The following PRKAR1B variants were observed in gnomAD, a reference collection of about 807,000 sequenced individuals.
PRKAR1B encodes protein kinase cAMP-dependent type I regulatory subunit beta.
A neutral mutation model predicts 46.5 loss-of-function variants in PRKAR1B; 22 were observed. The observed-to-expected ratio is 0.47, with a 90% confidence interval of 0.34 to 0.68. The LOEUF (loss-of-function observed/expected upper bound fraction) is 0.68, where lower values mean the gene tolerates loss of function less well. PRKAR1B is among the 30% of genes least tolerant of loss of function. The pLI is 0.01. For synonymous variants in PRKAR1B, 259 were observed against 217.7 expected, an observed-to-expected ratio of 1.19 and a Z score of -1.67; for missense variants, 445 against 535.6, an observed-to-expected ratio of 0.83 and a Z score of 1.67.
At chr7:663,539 T>C (rs1785733038) in intron 4 of PRKAR1B, among the ~76,000 whole-genome samples, 1 of 151,966 alleles carries the variant, frequency 6.6e-6, no homozygotes, top group South Asian at 2.1e-4. Context: ...GCCCGGCCCA[T>C]TCACTTTTAA....
rs745787736 is a variant in PRKAR1B, at chr7:727,156, G to T, written c.-23+54C>A. 1.9e-5 allele frequency: 25 copies of T among 1,284,018 alleles called. No individual in the cohort carries two copies. Among genetic ancestry groups the T allele is most frequent in the South Asian group, 6.1e-5 (3 of 49,138 alleles). 79.5% of individuals were successfully genotyped at this position (1,284,018 alleles called of 1,614,324 possible). On this transcript the variant is annotated intron_variant, in intron 1 of 10. Transcript: ENST00000537384. ...CTGTGAGGAGCTGCGCCTGGCGCTTGTGCAGCTGCTGGGCCTGGCCGTGGA... is the reference window on the plus strand; with the variant it reads ...CTGTGAGGAGCTGCGCCTGGCGCTTTTGCAGCTGCTGGGCCTGGCCGTGGA...
At chr7:663,964 C>A (rs1044047878) in intron 4 of PRKAR1B, among the ~76,000 whole-genome samples, 30 of 152,194 alleles carry the variant, frequency 2.0e-4, no homozygotes, top group African/African-American at 6.5e-4. Flanking sequence ...CCTGGGCAAG[C>A]CCCCCGCTGT....
At position 708,144 on chromosome 7, in the gene PRKAR1B, G is replaced by A. The variant is rs190033557; in HGVS notation, c.177+3185C>T. Among the ~76,000 whole-genome samples the A allele has an allele frequency of 3.0e-4, 44 of 147,322 alleles. No homozygotes were observed. The East Asian group carries it at 7.4e-3, about 25-fold the overall frequency. ...AAAATCGCCAGAACCACCCAGAGCC[G>A]GGGGAGACATAGAACCTTCTCCCAC... On this transcript the variant is annotated intron_variant, in intron 2 of 10. Transcript: ENST00000537384.
At chr7:680,794 T>C in intron 2 of PRKAR1B, 68 bp from the exon 3 acceptor site, 1 of 1,562,158 alleles carries the variant, frequency 6.4e-7, no homozygotes, top group Non-Finnish European at 8.8e-7. Context: ...ACAGGGCCCA[T>C]GCCTGTGATC....
chr7:652,227 G>A (rs1784941643), intron 4 of PRKAR1B, among the ~76,000 whole-genome samples: 1 of 142,900 alleles, frequency 7.0e-6, no homozygotes, highest in South Asian at 2.3e-4. Context: ...AACCCCTCTC[G>A]GAACACAGTT....
intron 4 of PRKAR1B, among the ~76,000 whole-genome samples, chr7:663,416 G>A (rs943465284): frequency 4.6e-5 from 7 of 152,018 alleles, no homozygotes; most frequent in Non-Finnish European, 1.0e-4. Flanking sequence ...TTTAGGAGGA[G>A]GGTAGAGATG....
chr7:706,859 G>T (rs1307134535), intron 2 of PRKAR1B, among the ~76,000 whole-genome samples: 1 of 152,146 alleles, frequency 6.6e-6, no homozygotes, highest in Admixed American at 6.5e-5. Flanking sequence ...TTTATCCCAG[G>T]TGCTTTATGA....
chr7:692,751 C>T (rs560230329), intron 2 of PRKAR1B, among the ~76,000 whole-genome samples: 1 of 152,238 alleles, frequency 6.6e-6, no homozygotes, highest in South Asian at 2.1e-4. Flanking sequence ...GAGGCAGGAA[C>T]ACAGCCGGAG....
intron 7 of PRKAR1B, among the ~76,000 whole-genome samples, chr7:589,399 C>T (rs978335804): frequency 2.0e-5 from 3 of 151,928 alleles, no homozygotes; most frequent in Non-Finnish European, 4.4e-5. Flanking sequence ...AGCTGCTGAC[C>T]CAGCCCTCGT....
At chr7:642,632 G>A (rs902093198) in intron 4 of PRKAR1B, among the ~76,000 whole-genome samples, 11 of 151,208 alleles carry the variant, frequency 7.3e-5, no homozygotes, top group Non-Finnish European at 1.2e-4. Flanking sequence ...GGCTGAGGCA[G>A]GAGAATGGCG....
chr7:550,238 C>T lies in PRKAR1B; in HGVS notation c.*192G>A. 1 of 589,894 alleles carries T rather than the reference C, an allele frequency of 1.7e-6. No homozygotes were observed. 36.5% of individuals were successfully genotyped at this position (589,894 alleles called of 1,614,324 possible). A position where few individuals can be genotyped will look rare whatever the true frequency, so the allele number is the denominator to read the frequency against. On this transcript the variant is annotated 3_prime_UTR_variant, in exon 11 of 11. Coordinates refer to ENST00000537384, the MANE Select transcript of PRKAR1B (RefSeq NM_001164760.2). ...CTTGGGATGCATTTTGTCCGCTTGTCCTTTGATTTGGAAATGCACAAGGTG... is the reference window on the plus strand; with the variant it reads ...CTTGGGATGCATTTTGTCCGCTTGTTCTTTGATTTGGAAATGCACAAGGTG...
At chr7:669,768 AAAAAG>A (rs1562602793) in intron 4 of PRKAR1B, among the ~76,000 whole-genome samples, 1 of 150,930 alleles carries the variant, frequency 6.6e-6, no homozygotes, top group East Asian at 2.0e-4. Flanking sequence ...CATCTCAAAA[AAAAAG>A]AAAAGGTTAA....
intron 3 of PRKAR1B, among the ~76,000 whole-genome samples, chr7:680,157 CAAAAA>C (rs372918350): frequency 2.7e-5 from 2 of 73,666 alleles, no homozygotes; most frequent in Non-Finnish European, 5.9e-5. Context: ...GACTCTGTTT[CAAAAA>C]AAAAAAAAAA....
rs2763 is a variant in PRKAR1B at position 550,023 on chromosome 7, C to G, written c.*407G>C. On this transcript the variant is annotated 3_prime_UTR_variant, in exon 11 of 11. Transcript: ENST00000537384. ...TTGACACACTTGCCCACACTCAGAC[C>G]TCAATCTGGGGGACCTGACCTCACA... is the stretch of plus-strand genomic sequence containing the variant. The G allele has an allele frequency of 0.15, 27,984 of 191,342 alleles. 2,480 individuals carry two copies. Among genetic ancestry groups the G allele is most frequent in the Admixed American group, 0.32 (5,834 of 18,340 alleles). 11.9% of individuals were successfully genotyped at this position (191,342 alleles called of 1,614,324 possible).
chr7:596,393 C>A, intron 6 of PRKAR1B, 89 bp from the exon 7 acceptor site: 1 of 1,473,456 alleles, frequency 6.8e-7, no homozygotes, highest in Non-Finnish European at 9.1e-7. Context: ...TTAGCTCTCT[C>A]CAGAAGAGGG....
rs1780657589 is a variant in PRKAR1B, at chr7:587,306, C to A, written c.709-2738G>T. Reference sequence around the variant, plus strand: ...CACAGGAATGGAGATCGCAATCAGGCACCACTTGGTGTTTACTGAGTGCCC... The same window carrying A: ...CACAGGAATGGAGATCGCAATCAGGAACCACTTGGTGTTTACTGAGTGCCC... On this transcript the variant is annotated intron_variant, in intron 7 of 10. Transcript: ENST00000537384. Among the ~76,000 whole-genome samples, 3 of 152,220 alleles carry A rather than the reference C, an allele frequency of 2.0e-5. No individual in the cohort carries two copies. In the South Asian group the frequency reaches 6.2e-4, roughly 31 times the overall value.
At chr7:674,860 A>T (rs145242898) in intron 4 of PRKAR1B, among the ~76,000 whole-genome samples, 13 of 152,340 alleles carry the variant, frequency 8.5e-5, no homozygotes, top group African/African-American at 3.1e-4. Context: ...AGCCTGAACC[A>T]GCCACATGCT....
chr7:677,733 T>A (rs899360105), intron 3 of PRKAR1B, among the ~76,000 whole-genome samples: 16 of 152,092 alleles, frequency 1.1e-4, no homozygotes, highest in African/African-American at 3.6e-4. Flanking sequence ...AGCCTCTTGT[T>A]ACTTTTGAAA....
At chr7:612,583 TG>T (rs1284308095) in intron 4 of PRKAR1B, among the ~76,000 whole-genome samples, 2 of 151,952 alleles carry the variant, frequency 1.3e-5, no homozygotes, top group Non-Finnish European at 2.9e-5. Flanking sequence ...CGACAGATGA[TG>T]GATGGGTGGC....
Sources: allele counts gnomAD v4.1 joint callset (sites outside exome capture counted in the v4.1 genomes callset), GRCh38; gene constraint gnomAD v4.1.1; transcripts MANE v1.5; gene names NCBI Gene and HGNC (gene_info 2026-07-23, HGNC 2026-07-21).